Variants in USH2A observed in about 807,000 individuals in gnomAD.
USH2A encodes the protein Usher syndrome 2A (autosomal recessive, mild).
Under a neutral mutation model 538.9 loss-of-function variants are expected in USH2A, and 443 were observed. That is an observed-to-expected ratio of 0.82 (90% CI 0.76 to 0.89). The LOEUF (loss-of-function observed/expected upper bound fraction) is 0.89, where lower values mean the gene tolerates loss of function less well. USH2A is among the 40% of genes least tolerant of loss of function. The pLI, the probability that USH2A is intolerant of heterozygous loss-of-function variation, is 0.00. For missense variants in USH2A, 6,633 were observed against 6,324.8 expected (o/e 1.05, Z -1.65); for synonymous variants, 2,413 against 2,273.5 (o/e 1.06, Z -1.75).
Position 215,846,080 on chromosome 1 carries a change from AG to A in USH2A, c.8846-48del, listed in dbSNP as rs756750921. The A allele has an allele frequency of 2.5e-6, 4 of 1,573,044 alleles. No individual in the cohort carries two copies. In the African/African-American group the frequency reaches 5.4e-5, roughly 21 times the overall value. ...CATGGTGAATGTAGCTGAGGCTTTC[AG>A]GGGAAAAAAAAAATTCTATCATTAG... On this transcript the variant is annotated intron_variant, in intron 44 of 71. Transcript: ENST00000307340.
intron 3 of USH2A, among the ~76,000 whole-genome samples, chr1:216,409,425 G>T (rs1040261031): frequency 6.6e-6 from 1 of 152,008 alleles, no homozygotes; most frequent in African/African-American, 2.4e-5. Flanking sequence ...AATAGACAGA[G>T]AATCCTACAC....
intron 4 of USH2A, among the ~76,000 whole-genome samples, chr1:216,346,409 T>C (rs1485695271): frequency 2.0e-5 from 3 of 152,130 alleles, no homozygotes; most frequent in African/African-American, 7.2e-5. Context: ...GGCTGTCTTG[T>C]GTTTCGCATT....
Position 215,892,993 on chromosome 1 carries a change from C to T in USH2A, c.7595-3939G>A, listed in dbSNP as rs764721. 2.4e-3 allele frequency among the ~76,000 whole-genome samples: 365 copies of T among 152,098 alleles called. 3 individuals carry two copies. Among genetic ancestry groups the T allele is most frequent in the African/African-American group, 8.3e-3 (344 of 41,512 alleles). ...AGCTGGGGCATATTGTGGGGTGAAT[C>T]GTAGTAGATGCATCTGCGATAATTT... On this transcript the variant is annotated intron_variant, in intron 40 of 71. Transcript: ENST00000307340.
At chr1:216,304,269 A>G (rs575059586) in intron 9 of USH2A, among the ~76,000 whole-genome samples, 1 of 152,122 alleles carries the variant, frequency 6.6e-6, no homozygotes, top group African/African-American at 2.4e-5. Context: ...TCTATGTGCC[A>G]AGTGACAGCA....
chr1:216,420,182 C>T (rs1222314298), intron 2 of USH2A, among the ~76,000 whole-genome samples: 1 of 151,948 alleles, frequency 6.6e-6, no homozygotes, highest in Non-Finnish European at 1.5e-5. Context: ...ATTCATTTTT[C>T]TTCTGTTTAA....
At chr1:215,643,057 G>T (rs868547010) in intron 67 of USH2A, among the ~76,000 whole-genome samples, 3 of 151,994 alleles carry the variant, frequency 2.0e-5, no homozygotes, top group Non-Finnish European at 4.4e-5. Flanking sequence ...GTGCAGTGGC[G>T]CTATCTCGGC....
At chr1:216,063,307 A>G (rs2031244850) in intron 30 of USH2A, among the ~76,000 whole-genome samples, 1 of 152,144 alleles carries the variant, frequency 6.6e-6, no homozygotes, top group African/African-American at 2.4e-5. Flanking sequence ...ACTTCCTAGT[A>G]TTCCTTTTGT....
At chr1:216,156,201 T>A (rs1041996344) in intron 21 of USH2A, among the ~76,000 whole-genome samples, 1 of 152,004 alleles carries the variant, frequency 6.6e-6, no homozygotes, top group Non-Finnish European at 1.5e-5. Context: ...GTACATGTCA[T>A]CTCCCACATT....
At chr1:216,307,488 G>A (rs2037340749) in intron 9 of USH2A, among the ~76,000 whole-genome samples, 1 of 152,120 alleles carries the variant, frequency 6.6e-6, no homozygotes, top group South Asian at 2.1e-4. Context: ...CCTGCTCCAG[G>A]TCTCCCCACT....
chr1:215,788,071 C>A (rs1016511181), intron 51 of USH2A, among the ~76,000 whole-genome samples: 1 of 151,944 alleles, frequency 6.6e-6, no homozygotes, highest in Admixed American at 6.6e-5. Flanking sequence ...CTATCTATAT[C>A]TATCTATCTA....
At chr1:215,690,522 G>A (rs189058880) in intron 61 of USH2A, among the ~76,000 whole-genome samples, 1 of 152,274 alleles carries the variant, frequency 6.6e-6, no homozygotes, top group Non-Finnish European at 1.5e-5. Flanking sequence ...AGAAGCTTGA[G>A]TGTAGCCTGG....
intron 58 of USH2A, among the ~76,000 whole-genome samples, chr1:215,756,106 C>T (rs1660787106): frequency 6.6e-6 from 1 of 152,090 alleles, no homozygotes; most frequent in Non-Finnish European, 1.5e-5. Flanking sequence ...TTATATAGAA[C>T]TAGATAATAT....
At chr1:215,982,038 C>T (rs900788087) in intron 35 of USH2A, among the ~76,000 whole-genome samples, 11 of 152,166 alleles carry the variant, frequency 7.2e-5, no homozygotes, top group Admixed American at 2.0e-4. Flanking sequence ...TTCTTGAGTG[C>T]GTCTCCTGTT....
chr1:215,701,845 T>C (rs1011818886), intron 61 of USH2A, among the ~76,000 whole-genome samples: 1 of 152,226 alleles, frequency 6.6e-6, no homozygotes, highest in African/African-American at 2.4e-5. Context: ...ATGTGTGAAT[T>C]TGATTCTGTC....
intron 21 of USH2A, among the ~76,000 whole-genome samples, chr1:216,142,666 C>T (rs1454862204): frequency 6.6e-6 from 1 of 152,120 alleles, no homozygotes; most frequent in African/African-American, 2.4e-5. Context: ...ATCAGTAAAA[C>T]AATATATGTG....
At chr1:216,087,453 C>T (rs2032169949) in intron 23 of USH2A, among the ~76,000 whole-genome samples, 1 of 152,056 alleles carries the variant, frequency 6.6e-6, no homozygotes, top group Non-Finnish European at 1.5e-5. Context: ...TCATGCACTC[C>T]CTGGTTTTGG....
At chr1:216,033,520 G>T (rs1240665521) in intron 32 of USH2A, among the ~76,000 whole-genome samples, 1 of 152,152 alleles carries the variant, frequency 6.6e-6, no homozygotes, top group African/African-American at 2.4e-5. Context: ...TAGTGTTGTA[G>T]AAATAAATGA....
chr1:216,039,497 G>C (rs2030166702), intron 32 of USH2A, among the ~76,000 whole-genome samples: 2 of 151,942 alleles, frequency 1.3e-5, no homozygotes, highest in Admixed American at 1.3e-4. Flanking sequence ...ATTAATATTA[G>C]AGCTTGTAAC....
At chr1:215,779,330 A>G (rs188753011) in intron 55 of USH2A, among the ~76,000 whole-genome samples, 1 of 152,308 alleles carries the variant, frequency 6.6e-6, no homozygotes, top group African/African-American at 2.4e-5. Flanking sequence ...AAGGCTAATG[A>G]TAATAAACAT....
Sources: allele counts gnomAD v4.1 joint callset (sites outside exome capture counted in the v4.1 genomes callset), GRCh38; gene constraint gnomAD v4.1.1; transcripts MANE v1.5; gene names NCBI Gene and HGNC (gene_info 2026-07-23, HGNC 2026-07-21).